The following LINGO2 variants were observed in gnomAD, a reference collection of about 807,000 sequenced individuals.
The protein encoded by LINGO2 is leucine-rich repeat and immunoglobulin-like domain-containing nogo receptor-interacting protein 2.
A neutral mutation model predicts 30.6 loss-of-function variants in LINGO2; 14 were observed. That is an observed-to-expected ratio of 0.46 (90% CI 0.30 to 0.72). The LOEUF (loss-of-function observed/expected upper bound fraction) is 0.72. Among genes scored for constraint, LINGO2 ranks in the 30% least tolerant of loss-of-function variants. The pLI is 0.07. For missense variants in LINGO2, 729 were observed against 751.7 expected (o/e 0.97, Z 0.35); for synonymous variants, 317 against 288.5 (o/e 1.10, Z -1.00).
chr9:28,924,981 T>C, the LINGO2 span, among the ~76,000 whole-genome samples: 2 of 152,204 alleles, frequency 1.3e-5, no homozygotes, highest in East Asian at 3.9e-4. Context: ...TTTCAGTCTA[T>C]GTTTGGCTTG....
At chr9:28,548,626 T>A (rs1454731179) in intron 1 of LINGO2, among the ~76,000 whole-genome samples, 2 of 132,914 alleles carry the variant, frequency 1.5e-5, no homozygotes, top group African/African-American at 5.8e-5. Flanking sequence ...ATCACTTGAA[T>A]CCAGGAGGCA....
intron 4 of LINGO2, among the ~76,000 whole-genome samples, chr9:28,125,859 T>C (rs1428683732): frequency 2.0e-5 from 3 of 152,194 alleles, no homozygotes; most frequent in African/African-American, 7.2e-5. Context: ...AGGTTCAGTT[T>C]TTACATTTCC....
At chr9:28,311,928 A>G (rs1440231909) in intron 3 of LINGO2, among the ~76,000 whole-genome samples, 6 of 152,186 alleles carry the variant, frequency 3.9e-5, no homozygotes, top group Non-Finnish European at 8.8e-5. Flanking sequence ...AGACTGCAGT[A>G]AAGACAGGCG....
chr9:29,206,241 T>C, the LINGO2 span, among the ~76,000 whole-genome samples: 2 of 152,356 alleles, frequency 1.3e-5, no homozygotes, highest in South Asian at 2.1e-4. Context: ...GGAGCATTTC[T>C]AAGGATAAAC....
At chr9:28,517,228 C>T (rs1414218665) in intron 1 of LINGO2, among the ~76,000 whole-genome samples, 2 of 152,056 alleles carry the variant, frequency 1.3e-5, no homozygotes, top group Non-Finnish European at 1.5e-5. Flanking sequence ...CTTTTCTTCC[C>T]CCTCCACCCC....
chr9:27,973,656 C>T (rs528814944), intron 5 of LINGO2, among the ~76,000 whole-genome samples: 2 of 152,236 alleles, frequency 1.3e-5, no homozygotes, highest in Admixed American at 6.5e-5. Flanking sequence ...GCCAGCTTAG[C>T]CCAGCCTTTG....
At chr9:28,034,412 TC>T (rs1328599173) in intron 4 of LINGO2, among the ~76,000 whole-genome samples, 1 of 152,214 alleles carries the variant, frequency 6.6e-6, no homozygotes, top group East Asian at 1.9e-4. Flanking sequence ...CTGACAGTTT[TC>T]CAAAATGTGT....
the LINGO2 span, among the ~76,000 whole-genome samples, chr9:29,149,497 T>C: frequency 4.6e-5 from 7 of 151,866 alleles, no homozygotes; most frequent in Non-Finnish European, 8.8e-5. Flanking sequence ...CAAGAGTTGA[T>C]AGAGAGGCAA....
At chr9:28,835,750 C>T in the LINGO2 span, among the ~76,000 whole-genome samples, 1 of 152,138 alleles carries the variant, frequency 6.6e-6, no homozygotes, top group Non-Finnish European at 1.5e-5. Flanking sequence ...TAACTTCTTT[C>T]TCATTTGCTA....
the LINGO2 span, among the ~76,000 whole-genome samples, chr9:28,813,875 A>G: frequency 6.6e-6 from 1 of 152,208 alleles, no homozygotes; most frequent in Non-Finnish European, 1.5e-5. Context: ...AAAATGGTCT[A>G]GAAGCAGAAA....
chr9:28,291,525 T>C (rs1261293826), intron 4 of LINGO2, among the ~76,000 whole-genome samples: 2 of 152,202 alleles, frequency 1.3e-5, no homozygotes, highest in African/African-American at 4.8e-5. Context: ...GCCAAGAGTT[T>C]TTTTAAAAGA....
chr9:29,092,927 T>C, the LINGO2 span, among the ~76,000 whole-genome samples: 7 of 133,822 alleles, frequency 5.2e-5, no homozygotes, highest in African/African-American at 2.8e-5. Context: ...ACCTATTCTA[T>C]GAAAAATAAT....
the LINGO2 span, among the ~76,000 whole-genome samples, chr9:28,856,912 T>G: frequency 6.6e-6 from 1 of 152,030 alleles, no homozygotes; most frequent in East Asian, 1.9e-4. Context: ...TAGTAAAAAT[T>G]ATCTAATCAC....
the LINGO2 span, among the ~76,000 whole-genome samples, chr9:28,710,213 C>G: frequency 6.6e-6 from 1 of 151,686 alleles, no homozygotes; most frequent in African/African-American, 2.4e-5. Context: ...TGCCTTGAAC[C>G]TTGCATTATG....
chr9:28,770,731 T>C, the LINGO2 span, among the ~76,000 whole-genome samples: 2 of 152,170 alleles, frequency 1.3e-5, no homozygotes, highest in African/African-American at 4.8e-5. Context: ...CACAGGTTAA[T>C]ATATGGTATA....
At chr9:28,468,504 T>C (rs1457421615) in intron 2 of LINGO2, among the ~76,000 whole-genome samples, 1 of 152,066 alleles carries the variant, frequency 6.6e-6, no homozygotes, top group Non-Finnish European at 1.5e-5. Context: ...TAAGAGATTA[T>C]TGGGAAATAA....
rs1587046278 is a variant in LINGO2 at position 28,129,277 on chromosome 9, A to G, written c.-86-116872T>C. Among the ~76,000 whole-genome samples the G allele has an allele frequency of 5.3e-5, 8 of 152,262 alleles. 1 individual carries two copies. In the South Asian group the frequency reaches 1.7e-3, roughly 32 times the overall value. Reference sequence around the variant, plus strand: ...TTCTCCTTAATAAACTCCTTTTGGTATATACATATATCCTATTAGTTGTAT... The same window carrying G: ...TTCTCCTTAATAAACTCCTTTTGGTGTATACATATATCCTATTAGTTGTAT... On this transcript the variant is annotated intron_variant, in intron 4 of 5. Coordinates refer to ENST00000379992, the Ensembl canonical transcript of LINGO2. This position sits in a 1 kb window ranked among gnomAD's most constrained non-coding sequence, Gnocchi z 4.0.
intron 5 of LINGO2, among the ~76,000 whole-genome samples, chr9:27,960,338 G>A (rs906446411): frequency 1.3e-5 from 2 of 152,144 alleles, no homozygotes; most frequent in Non-Finnish European, 2.9e-5. Flanking sequence ...CACACTTGAA[G>A]CCAAATATTT....
chr9:28,240,037 C>A (rs893919682), intron 4 of LINGO2, among the ~76,000 whole-genome samples: 8 of 151,716 alleles, frequency 5.3e-5, no homozygotes, highest in Non-Finnish European at 1.2e-4. Context: ...TTTACAATAG[C>A]CACAAATAAA....
Sources: allele counts gnomAD v4.1 joint callset (sites outside exome capture counted in the v4.1 genomes callset), GRCh38; gene constraint gnomAD v4.1.1; non-coding constraint Gnocchi (gnomAD v3.1); transcripts MANE v1.5; gene names NCBI Gene and HGNC (gene_info 2026-07-23, HGNC 2026-07-21).